The following FBN2 variants were observed in gnomAD, a reference collection of about 807,000 sequenced individuals.
FBN2 encodes fibrillin 2, also known as fibrillin-2.
Under a neutral mutation model 355.6 loss-of-function variants are expected in FBN2, and 105 were observed. The ratio of observed to expected loss-of-function variants is 0.30; its 90% CI spans 0.25 to 0.35. The LOEUF (loss-of-function observed/expected upper bound fraction) is 0.35. Ranked by LOEUF, FBN2 falls within the 10% of genes least tolerant of loss-of-function variation. The probability of loss-of-function intolerance (pLI) is 1.00; values close to 1 mark genes in which losing one functional copy is unlikely to be tolerated. For missense variants in FBN2, 3,280 were observed against 3,758.7 expected, an observed-to-expected ratio of 0.87 and a Z score of 3.33; for synonymous variants, 1,350 against 1,301.2, an observed-to-expected ratio of 1.04 and a Z score of -0.81.
intron 5 of FBN2, among the ~76,000 whole-genome samples, chr5:128,479,930 GTCTCTCTCTCTCTCTCTC>G (rs1180726296): frequency 9.6e-4 from 56 of 58,142 alleles, no homozygotes; most frequent in South Asian, 3.3e-3. Flanking sequence ...TTGTCTCCTT[GTCTCTCTCTCTCTCTCTC>G]TCTCTCTCTC....
chr5:128,351,773 T>C (rs913600531), intron 20 of FBN2, among the ~76,000 whole-genome samples: 2 of 152,016 alleles, frequency 1.3e-5, no homozygotes, highest in African/African-American at 2.4e-5. Flanking sequence ...GTTGCCCAGG[T>C]TGGTCTGGTT....
At chr5:128,481,912 C>T (rs373589285) in intron 5 of FBN2, among the ~76,000 whole-genome samples, 4 of 152,112 alleles carry the variant, frequency 2.6e-5, no homozygotes, top group Non-Finnish European at 2.9e-5. Flanking sequence ...ACAGAATGCA[C>T]GCCTTCATAT....
intron 58 of FBN2, 68 bp from the exon 59 acceptor site, chr5:128,276,228 A>G (rs1258078482): frequency 6.7e-7 from 1 of 1,500,210 alleles, no homozygotes; most frequent in Non-Finnish European, 9.3e-7. Context: ...TCCTCCTTCC[A>G]TATTCTCACT....
At chr5:128,420,958 G>C (rs1222047534) in intron 7 of FBN2, among the ~76,000 whole-genome samples, 1 of 152,284 alleles carries the variant, frequency 6.6e-6, no homozygotes, top group South Asian at 2.1e-4. Context: ...TATAGTTATT[G>C]ATTGATAAAG....
At chr5:128,332,189 AT>A (rs1010835768) in intron 32 of FBN2, among the ~76,000 whole-genome samples, 30 of 152,286 alleles carry the variant, frequency 2.0e-4, no homozygotes, top group African/African-American at 7.0e-4. Context: ...GGGCCTATAT[AT>A]TTTTTGTAAG....
intron 11 of FBN2, among the ~76,000 whole-genome samples, chr5:128,383,114 G>A (rs1274290557): frequency 6.6e-6 from 1 of 152,038 alleles, no homozygotes; most frequent in East Asian, 1.9e-4. Context: ...TTCAGACCAC[G>A]ATGCAGACAG....
intron 37 of FBN2, among the ~76,000 whole-genome samples, chr5:128,312,268 A>G (rs1750077212): frequency 6.6e-6 from 1 of 152,196 alleles, no homozygotes; most frequent in Non-Finnish European, 1.5e-5. Context: ...AGATGTTTCA[A>G]TTTAAGGCAT....
intron 7 of FBN2, among the ~76,000 whole-genome samples, chr5:128,433,707 C>A (rs1167214468): frequency 2.6e-5 from 4 of 152,046 alleles, no homozygotes; most frequent in Non-Finnish European, 5.9e-5. Context: ...TTAATAATGC[C>A]CAAATTTTCC....
chr5:128,319,840 T>C (rs1750321621), intron 34 of FBN2, among the ~76,000 whole-genome samples: 1 of 152,158 alleles, frequency 6.6e-6, no homozygotes, highest in Non-Finnish European at 1.5e-5. Context: ...TAATCTGAAT[T>C]TCTACTCTCA....
Position 128,305,098 on chromosome 5 carries a change from AT to A in FBN2, c.5675-17del, listed in dbSNP as rs1410952244. 2 of 1,573,008 alleles carry A rather than the reference AT, an allele frequency of 1.3e-6. No homozygotes were observed. The highest frequency in any genetic ancestry group is 2.3e-5 in the East Asian group (1 of 44,030). ...TCATTGCGATCTAAAACAGAAAAAA[AT>A]AAATGTTACATGTATCTGATTTTTA... is the stretch of plus-strand genomic sequence containing the variant. On this transcript the variant is annotated splice_polypyrimidine_tract_variant and intron_variant, in intron 44 of 64. Coordinates refer to ENST00000262464, the MANE Select transcript of FBN2 (RefSeq NM_001999.4).
intron 13 of FBN2, 46 bp downstream of exon 13, chr5:128,377,706 T>C (rs756476462): frequency 1.3e-6 from 2 of 1,598,000 alleles, no homozygotes; most frequent in Admixed American, 3.3e-5. Flanking sequence ...AATAAAAATG[T>C]ATATCCTTTT....
chr5:128,376,519 T>C (rs1752081386), intron 14 of FBN2, among the ~76,000 whole-genome samples: 3 of 152,232 alleles, frequency 2.0e-5, no homozygotes, highest in African/African-American at 4.8e-5. Flanking sequence ...ATTTTTCCTA[T>C]ACCATTATTA....
In FBN2 at chr5:128,287,325, T is replaced by A; in HGVS notation, c.6863A>T (p.Asp2288Val). 6.2e-7 allele frequency: 1 copy of A among 1,614,032 alleles called. No individual in the cohort carries two copies. Among genetic ancestry groups the A allele is most frequent in the Non-Finnish European group, 8.5e-7 (1 of 1,179,908 alleles). ...TCPIGYALRE[D>V]QKMCKDLDEC... ...GGCCTTACCTTTGCACATCTTTTGA[T>A]CTTCCCTGAGGGCATAGCCAATCGG... Residue 2288 changes from aspartate to valine, a missense_variant, in exon 54 of 65, where the codon GAT (aspartate) becomes GTT (valine). By Grantham distance (152) the Asp-to-Val change is radical. Transcript: ENST00000262464.
chr5:128,322,138 G>GT (rs1409515512), intron 34 of FBN2, among the ~76,000 whole-genome samples: 2 of 151,638 alleles, frequency 1.3e-5, no homozygotes, highest in African/African-American at 2.4e-5. Context: ...TTATGGGGTT[G>GT]TTTTTTTTCT....
chr5:128,307,017 T>A (rs376421941), intron 42 of FBN2, 118 bp downstream of exon 42: 1 of 734,902 alleles, frequency 1.4e-6, no homozygotes, highest in African/African-American at 1.7e-5. Context: ...CTAACTATAT[T>A]AGATTGGATC....
At chr5:128,499,971 G>A (rs1423409229) in intron 5 of FBN2, among the ~76,000 whole-genome samples, 3 of 152,096 alleles carry the variant, frequency 2.0e-5, no homozygotes, top group African/African-American at 7.2e-5. Flanking sequence ...TTAATTCGCA[G>A]AAGATGAGGC....
intron 25 of FBN2, among the ~76,000 whole-genome samples, chr5:128,340,808 T>C (rs188388958): frequency 3.1e-4 from 47 of 151,430 alleles, no homozygotes; most frequent in African/African-American, 1.1e-3. Context: ...TCTCTCTTTC[T>C]CTCTCTCTCC....
At chr5:128,289,978 T>C (rs781355764) in intron 50 of FBN2, 31 bp from the exon 51 acceptor site, 34 of 1,291,640 alleles carry the variant, frequency 2.6e-5, no homozygotes, top group Non-Finnish European at 6.8e-6. Flanking sequence ...TCTCCATTAT[T>C]GAAGACTTGA....
At chr5:128,442,389 A>G in intron 7 of FBN2, 1 of 456,470 alleles carries the variant, frequency 2.2e-6, no homozygotes, top group South Asian at 1.6e-5. Flanking sequence ...TTCAAACGAA[A>G]ATACTTTATT....
Sources: allele counts gnomAD v4.1 joint callset (sites outside exome capture counted in the v4.1 genomes callset), GRCh38; gene constraint gnomAD v4.1.1; transcripts MANE v1.5; gene names NCBI Gene and HGNC (gene_info 2026-07-23, HGNC 2026-07-21).